NDST3: variants seen among roughly 807,000 people sequenced by gnomAD.
The protein encoded by NDST3 is N-deacetylase and N-sulfotransferase 3.
Under a neutral mutation model 96.1 loss-of-function variants are expected in NDST3, and 58 were observed. The ratio of observed to expected loss-of-function variants is 0.60; its 90% CI spans 0.49 to 0.75. The LOEUF is 0.75. Ranked by LOEUF, NDST3 falls within the 30% of genes least tolerant of loss-of-function variation. NDST3 has a pLI of 0.00. For missense variants in NDST3, 788 were observed against 1,034.2 expected (o/e 0.76, Z 3.27); for synonymous variants, 333 against 359.7 (o/e 0.93, Z 0.84).
intron 3 of NDST3, among the ~76,000 whole-genome samples, chr4:118,107,021 C>T (rs1019694575): frequency 2.0e-5 from 3 of 152,132 alleles, no homozygotes; most frequent in African/African-American, 7.2e-5. Flanking sequence ...ACCCAGCAGG[C>T]GGAGCTTGCA....
chr4:118,104,751 A>G (rs1241316345), intron 2 of NDST3, among the ~76,000 whole-genome samples: 6 of 152,160 alleles, frequency 3.9e-5, no homozygotes, highest in Non-Finnish European at 4.4e-5. Context: ...ATACCTACAG[A>G]ATAAACTCTT....
At chr4:118,066,439 CATATGTTATATATTATATATACATTAT>C (rs1269217508) in intron 2 of NDST3, among the ~76,000 whole-genome samples, 36 of 1,226 alleles carry the variant, frequency 0.029, 1 homozygote, top group Admixed American at 0.056. Context: ...TATCATATAT[CATATGTTATATATTATATATACATTAT>C]ATATGTTATA....
At chr4:118,106,510 A>G (rs10033412) in intron 3 of NDST3, among the ~76,000 whole-genome samples, 114,082 of 151,482 alleles carry the variant, frequency 0.75, 45,563 homozygotes, top group South Asian at 0.92. Flanking sequence ...CATGACTGGC[A>G]AATTTTTCTT....
chr4:118,134,865 G>A (rs1443852827), intron 4 of NDST3, among the ~76,000 whole-genome samples: 1 of 152,118 alleles, frequency 6.6e-6, no homozygotes, highest in Admixed American at 6.5e-5. Flanking sequence ...CTAGATCTAA[G>A]ATGCTACTTT....
At chr4:118,133,036 A>G (rs889846903) in intron 4 of NDST3, among the ~76,000 whole-genome samples, 13 of 151,982 alleles carry the variant, frequency 8.6e-5, no homozygotes, top group African/African-American at 2.9e-4. Context: ...TTGGGGGAGG[A>G]GTGGCGCAAG....
At chr4:118,223,514 A>C (rs1739678403) in intron 6 of NDST3, among the ~76,000 whole-genome samples, 1 of 152,082 alleles carries the variant, frequency 6.6e-6, no homozygotes, top group South Asian at 2.1e-4. Context: ...CTTGATCACA[A>C]TGAAGCTTTT....
At chr4:118,104,468 T>C (rs780649827) in intron 2 of NDST3, among the ~76,000 whole-genome samples, 5 of 152,158 alleles carry the variant, frequency 3.3e-5, no homozygotes, top group Admixed American at 6.5e-5. Flanking sequence ...TTATCAGAAG[T>C]AGGATATTTT....
chr4:118,257,685 G>C lies in NDST3; in HGVS notation c.*1973G>C, dbSNP rs907569689. The C allele has an allele frequency of 6.6e-6, 1 of 152,046 alleles. No individual in the cohort carries two copies. The highest frequency in any genetic ancestry group is 1.5e-5 in the Non-Finnish European group (1 of 68,010). The allele number at this position is 152,046 out of a possible 1,614,324, so 9.4% of individuals were successfully genotyped here. ...TGTACATTATAATTACTTTTTTAAA[G>C]TTTCATGTACCTAAAGCATATGCTA... is the stretch of plus-strand genomic sequence containing the variant. On this transcript the variant is annotated 3_prime_UTR_variant, in exon 14 of 14. Coordinates refer to ENST00000296499, the MANE Select transcript of NDST3 (RefSeq NM_004784.3).
intron 6 of NDST3, among the ~76,000 whole-genome samples, chr4:118,172,540 A>T (rs1736016869): frequency 6.6e-6 from 1 of 152,230 alleles, no homozygotes; most frequent in African/African-American, 2.4e-5. Context: ...AAAAGAATAC[A>T]AAATTATACA....
At chr4:118,251,125 A>ATTTTTTTTTTTTTTTTT (rs370800744) in intron 12 of NDST3, among the ~76,000 whole-genome samples, 2 of 111,742 alleles carry the variant, frequency 1.8e-5, no homozygotes, top group Non-Finnish European at 1.9e-5. Flanking sequence ...TATTATTTTT[A>ATTTTTTTTTTTTTTTTT]TTTTATTTTT....
In NDST3 at chr4:118,161,493, A is replaced by C. The variant is rs1035278000; in HGVS notation, c.1539+17809A>C. ...CCCAGAGGTGGAGTCTACAGAGGCAAGCAGGCCTCCTTGAGCTGTGGTGGG... is the reference window on the plus strand; with the variant it reads ...CCCAGAGGTGGAGTCTACAGAGGCACGCAGGCCTCCTTGAGCTGTGGTGGG... On this transcript the variant is annotated intron_variant, in intron 6 of 13. Coordinates refer to ENST00000296499, the MANE Select transcript of NDST3 (RefSeq NM_004784.3). 2.0e-5 allele frequency among the ~76,000 whole-genome samples: 3 copies of C among 152,192 alleles called. No individual in the cohort carries two copies. The South Asian group carries it at 6.2e-4, about 32-fold the overall frequency.
intron 6 of NDST3, among the ~76,000 whole-genome samples, chr4:118,149,963 G>A (rs28766305): frequency 0.07 from 9,943 of 141,970 alleles, 654 homozygotes; most frequent in African/African-American, 0.19. Context: ...TTTTTAGCAT[G>A]AAGGGTTGTT....
At chr4:118,245,889 C>T (rs1033326303) in intron 12 of NDST3, among the ~76,000 whole-genome samples, 1 of 152,078 alleles carries the variant, frequency 6.6e-6, no homozygotes, top group Non-Finnish European at 1.5e-5. Context: ...AAAGGTCACT[C>T]AGCAAGTAAG....
At chr4:118,193,920 G>T in intron 6 of NDST3, 1 of 950,972 alleles carries the variant, frequency 1.1e-6, no homozygotes, top group Non-Finnish European at 1.7e-6. Context: ...AGTAAAGCTT[G>T]CTTGTATTTG....
intron 11 of NDST3, 32 bp from the exon 12 acceptor site, chr4:118,242,008 T>G: frequency 6.8e-7 from 1 of 1,478,872 alleles, no homozygotes; most frequent in Non-Finnish European, 9.4e-7. Context: ...CATGTCTTTT[T>G]TCAATGTGCA....
At chr4:118,082,893 T>C (rs972417333) in intron 2 of NDST3, among the ~76,000 whole-genome samples, 3 of 151,946 alleles carry the variant, frequency 2.0e-5, no homozygotes, top group African/African-American at 7.3e-5. Flanking sequence ...AAAGGGGAAG[T>C]AGGCACATCT....
chr4:118,237,892 C>CAGG (rs144727444), intron 10 of NDST3, among the ~76,000 whole-genome samples: 5,915 of 151,934 alleles, frequency 0.039, 172 homozygotes, highest in African/African-American at 0.085. Context: ...TGTTTGAGCC[C>CAGG]AGTTCAGGTG....
At chr4:118,144,456 A>T (rs952165643) in intron 6 of NDST3, among the ~76,000 whole-genome samples, 2 of 152,178 alleles carry the variant, frequency 1.3e-5, no homozygotes, top group Non-Finnish European at 2.9e-5. Context: ...CTGGGATTAC[A>T]GGCGTGAGCC....
intron 6 of NDST3, among the ~76,000 whole-genome samples, chr4:118,199,754 T>C (rs1285318248): frequency 1.2e-4 from 18 of 152,198 alleles, no homozygotes; most frequent in Admixed American, 1.1e-3. Context: ...ATCTAAGCTA[T>C]ATCTGCTTTA....
Sources: gnomAD v4.1 joint callset for allele counts (sites outside exome capture counted in the v4.1 genomes callset) on GRCh38, gnomAD v4.1.1 for gene constraint, MANE v1.5 for transcripts, NCBI Gene and HGNC (gene_info 2026-07-23, HGNC 2026-07-21) for gene names.